The following PHACTR3 variants were observed in gnomAD, a reference collection of about 807,000 sequenced individuals.
The protein encoded by PHACTR3 is protein phosphatase 1, regulatory subunit 123.
PHACTR3 carries 16 observed loss-of-function variants against 66.8 expected under a neutral mutation model. That is an observed-to-expected ratio of 0.24 (90% CI 0.16 to 0.36). The LOEUF (loss-of-function observed/expected upper bound fraction) is 0.36, where lower values mean the gene tolerates loss of function less well. PHACTR3 is among the 10% of genes least tolerant of loss of function. The pLI is 1.00. For synonymous variants in PHACTR3, 323 were observed against 292.1 expected (o/e 1.11, Z -1.08); for missense variants, 647 against 719.9 (o/e 0.90, Z 1.16).
intron 7 of PHACTR3, among the ~76,000 whole-genome samples, chr20:59,776,979 G>A (rs2040561652): frequency 6.6e-6 from 1 of 152,294 alleles, no homozygotes; most frequent in Admixed American, 6.5e-5. Flanking sequence ...TCTGCTGGGT[G>A]ACTTATGACC....
chr20:59,605,162 G>T, intron 1 of PHACTR3, 30 bp downstream of exon 1: 5 of 923,114 alleles, frequency 5.4e-6, no homozygotes, highest in Non-Finnish European at 5.9e-6. Flanking sequence ...CGGCGGGCGG[G>T]TCGGGGAGGC....
upstream of PHACTR3, among the ~76,000 whole-genome samples, chr20:59,602,745 C>G (rs2033515564): frequency 6.6e-6 from 1 of 152,170 alleles, no homozygotes; most frequent in Non-Finnish European, 1.5e-5. Context: ...CAGGTGTTCA[C>G]TCACCCAGAC....
At chr20:59,812,437 C>G (rs1422018292) in intron 8 of PHACTR3, among the ~76,000 whole-genome samples, 1 of 152,222 alleles carries the variant, frequency 6.6e-6, no homozygotes, top group African/African-American at 2.4e-5. Context: ...CACTCCTGCT[C>G]TGTCTGCAGG....
chr20:59,617,653 C>T, intron 1 of PHACTR3, among the ~76,000 whole-genome samples: 1 of 152,018 alleles, frequency 6.6e-6, no homozygotes, highest in Non-Finnish European at 1.5e-5. Flanking sequence ...GCTCAGCTAA[C>T]ATTTCGTGGG....
At chr20:59,635,431 A>AAGTGCAG (rs2034864857) in intron 1 of PHACTR3, among the ~76,000 whole-genome samples, 1 of 151,264 alleles carries the variant, frequency 6.6e-6, no homozygotes, top group Non-Finnish European at 1.5e-5. Context: ...ACGGGGTTTC[A>AAGTGCAG]CCATGTTAGT....
intron 5 of PHACTR3, 100 bp from the exon 6 acceptor site, chr20:59,773,179 C>T: frequency 2.2e-6 from 3 of 1,352,986 alleles, no homozygotes; most frequent in Non-Finnish European, 3.1e-6. Context: ...CCTGGAGGTG[C>T]AGGGGAGCGT....
intron 1 of PHACTR3, among the ~76,000 whole-genome samples, chr20:59,722,101 G>A (rs756375606): frequency 5.9e-5 from 9 of 152,168 alleles, no homozygotes; most frequent in South Asian, 2.1e-4. Flanking sequence ...GTGTGGTGGC[G>A]GGCACCTGTG....
chr20:59,675,026 C>T, intron 1 of PHACTR3, among the ~76,000 whole-genome samples: 1 of 99,560 alleles, frequency 1.0e-5, no homozygotes, highest in Non-Finnish European at 1.9e-5. Context: ...CCATTCTCCT[C>T]CCTGTTCCTC....
At chr20:59,811,754 C>G (rs1281931187) in intron 8 of PHACTR3, among the ~76,000 whole-genome samples, 2 of 152,160 alleles carry the variant, frequency 1.3e-5, no homozygotes, top group Non-Finnish European at 2.9e-5. Flanking sequence ...CACTGCCCAG[C>G]AAGGGCTCTG....
At chr20:59,827,838 G>C (rs1192335619) in intron 8 of PHACTR3, among the ~76,000 whole-genome samples, 1 of 152,178 alleles carries the variant, frequency 6.6e-6, no homozygotes, top group African/African-American at 2.4e-5. Context: ...ACTGCACCAA[G>C]CTTGGCGGGG....
chr20:59,715,815 A>G (rs2038070915), intron 1 of PHACTR3, among the ~76,000 whole-genome samples: 1 of 151,894 alleles, frequency 6.6e-6, no homozygotes, highest in Non-Finnish European at 1.5e-5. Context: ...AAAAATGTTA[A>G]AGGTAGAAGC....
intron 1 of PHACTR3, among the ~76,000 whole-genome samples, chr20:59,667,706 C>A (rs887754217): frequency 1.3e-5 from 2 of 152,182 alleles, no homozygotes; most frequent in Non-Finnish European, 2.9e-5. Flanking sequence ...TAGACCAGAG[C>A]GGGTGGAAAT....
chr20:59,623,002 C>CAAAAAAAAAAAAAAAAAAAAA (rs2034312131), intron 1 of PHACTR3, among the ~76,000 whole-genome samples: 1 of 9,492 alleles, frequency 1.1e-4, no homozygotes, highest in South Asian at 3.1e-3. Context: ...AAAAAAAAAA[C>CAAAAAAAAAAAAAAAAAAAAA]CCAAATCTTC....
chr20:59,595,155 T>C (rs988518158), intron 1 of PHACTR3, among the ~76,000 whole-genome samples: 1 of 152,238 alleles, frequency 6.6e-6, no homozygotes, highest in African/African-American at 2.4e-5. Flanking sequence ...GCAGATATTG[T>C]ATAATTTCTT....
At chr20:59,771,149 AC>A (rs1470234585) in intron 5 of PHACTR3, among the ~76,000 whole-genome samples, 1 of 152,170 alleles carries the variant, frequency 6.6e-6, no homozygotes, top group Non-Finnish European at 1.5e-5. Context: ...TCCCAGCTCC[AC>A]CAAGCTGAGC....
chr20:59,747,790 C>T lies in PHACTR3; in HGVS notation c.313C>T (p.Arg105Ter), dbSNP rs780579523. ...LEKKMAGRQG[R>*]EELIKKGLLE... The stretch of plus-strand genomic sequence containing the variant: ...GAAGAAGATGGCCGGCAGGCAAGGC[C>T]GAGAGGAGCTCATCAAGAAGGGGCT... The change falls in exon 3 of 13, where the codon CGA (arginine) becomes TGA (stop). Residue 105 changes from arginine to a stop codon, truncating the protein, a stop_gained. Coordinates refer to ENST00000371015, the MANE Select transcript of PHACTR3 (RefSeq NM_080672.5). LOFTEE classifies it high-confidence loss of function. 1 of 1,614,018 alleles carries T rather than the reference C, an allele frequency of 6.2e-7. No individual in the cohort carries two copies. Among genetic ancestry groups the T allele is most frequent in the South Asian group, 1.1e-5 (1 of 91,062 alleles).
At chr20:59,693,083 T>G (rs2037169548) in intron 1 of PHACTR3, among the ~76,000 whole-genome samples, 1 of 152,192 alleles carries the variant, frequency 6.6e-6, no homozygotes, top group Non-Finnish European at 1.5e-5. Context: ...CTGTGTGACC[T>G]TGAGCAGATT....
intron 1 of PHACTR3, among the ~76,000 whole-genome samples, chr20:59,678,596 C>T (rs563007140): frequency 1.4e-4 from 22 of 152,256 alleles, no homozygotes; most frequent in Non-Finnish European, 3.1e-4. Flanking sequence ...TGACATAATT[C>T]GACATGTCGC....
At chr20:59,747,037 AGAT>A (rs1568774784) in intron 2 of PHACTR3, among the ~76,000 whole-genome samples, 1 of 152,236 alleles carries the variant, frequency 6.6e-6, no homozygotes, top group African/African-American at 2.4e-5. Flanking sequence ...GGAAGGAAGA[AGAT>A]GATTGTGGAG....
Sources: gnomAD v4.1 joint callset for allele counts (sites outside exome capture counted in the v4.1 genomes callset) on GRCh38, gnomAD v4.1.1 for gene constraint, MANE v1.5 for transcripts, NCBI Gene and HGNC (gene_info 2026-07-23, HGNC 2026-07-21) for gene names.